Variants in CTNNA3 observed in about 807,000 individuals in gnomAD.
CTNNA3 encodes catenin alpha 3.
Under a neutral mutation model 95.7 loss-of-function variants are expected in CTNNA3, and 76 were observed. That is an observed-to-expected ratio of 0.79 (90% confidence interval 0.66 to 0.96). The LOEUF is 0.96. CTNNA3 is among the 40% of genes least tolerant of loss of function. The pLI is 0.00. For missense variants in CTNNA3, 1,191 were observed against 1,089.8 expected, an observed-to-expected ratio of 1.09 and a Z score of -1.31; for synonymous variants, 431 against 374.4, an observed-to-expected ratio of 1.15 and a Z score of -1.74.
intron 7 of CTNNA3, among the ~76,000 whole-genome samples, chr10:67,017,723 ATCTGTG>A (rs1164535123): frequency 7.9e-5 from 11 of 138,672 alleles, no homozygotes; most frequent in Admixed American, 7.0e-4. Flanking sequence ...CACAAAAATC[ATCTGTG>A]TGTGTGTGTG....
At chr10:66,287,162 G>A (rs1470258395) in intron 12 of CTNNA3, among the ~76,000 whole-genome samples, 3 of 152,012 alleles carry the variant, frequency 2.0e-5, no homozygotes, top group African/African-American at 4.8e-5. Context: ...AGGCATGGTG[G>A]CATGTGCCTG....
intron 12 of CTNNA3, among the ~76,000 whole-genome samples, chr10:66,281,558 C>G (rs1440823191): frequency 2.6e-5 from 4 of 151,858 alleles, no homozygotes; most frequent in Non-Finnish European, 5.9e-5. Context: ...ACACTTTACA[C>G]TCAAACTAAT....
intron 12 of CTNNA3, among the ~76,000 whole-genome samples, chr10:66,320,517 T>C (rs865975732): frequency 6.6e-6 from 1 of 152,128 alleles, no homozygotes; most frequent in African/African-American, 2.4e-5. Flanking sequence ...TCCTGGTCAC[T>C]TGAGTTATCT....
chr10:66,659,181 A>AACACACACACACAC (rs10565151), intron 9 of CTNNA3, among the ~76,000 whole-genome samples: 1 of 145,676 alleles, frequency 6.9e-6, no homozygotes, highest in East Asian at 2.0e-4. Context: ...TAATTAAGAA[A>AACACACACACACAC]ACACACACAC....
At chr10:66,576,703 G>C (rs888304771) in intron 10 of CTNNA3, among the ~76,000 whole-genome samples, 6 of 151,966 alleles carry the variant, frequency 3.9e-5, no homozygotes, top group African/African-American at 1.5e-4. Context: ...TGGTCTATAT[G>C]TACCACAATT....
chr10:66,281,099 C>A (rs942900139), intron 12 of CTNNA3, among the ~76,000 whole-genome samples: 2 of 151,568 alleles, frequency 1.3e-5, no homozygotes, highest in African/African-American at 4.8e-5. Flanking sequence ...AGTAATTCTG[C>A]CTTATAGAAA....
At chr10:66,630,842 T>A (rs1160429371) in intron 9 of CTNNA3, among the ~76,000 whole-genome samples, 3 of 152,158 alleles carry the variant, frequency 2.0e-5, no homozygotes, top group Non-Finnish European at 1.5e-5. Context: ...CATAGCAAAT[T>A]GCAGGGAAAC....
intron 9 of CTNNA3, among the ~76,000 whole-genome samples, chr10:66,691,276 G>A (rs1224920816): frequency 6.6e-6 from 1 of 152,140 alleles, no homozygotes. Context: ...CTTTTCTGAT[G>A]GGCTTAAAAA....
At chr10:67,008,730 T>TGAAAGCTC (rs1852155176) in intron 7 of CTNNA3, among the ~76,000 whole-genome samples, 1 of 152,162 alleles carries the variant, frequency 6.6e-6, no homozygotes, top group Non-Finnish European at 1.5e-5. Flanking sequence ...CATCCTCCAG[T>TGAAAGCTC]AGGCTAGCTC....
chr10:66,507,146 T>C (rs577480673), intron 11 of CTNNA3, among the ~76,000 whole-genome samples: 5 of 152,182 alleles, frequency 3.3e-5, no homozygotes, highest in East Asian at 1.9e-4. Context: ...CCAAAGGTCA[T>C]GCTCACTATG....
chr10:66,131,619 T>C (rs1453963497), intron 13 of CTNNA3, among the ~76,000 whole-genome samples: 2 of 152,118 alleles, frequency 1.3e-5, no homozygotes, highest in Non-Finnish European at 2.9e-5. Flanking sequence ...AGAACAAAGC[T>C]GGAGGCATCA....
intron 10 of CTNNA3, among the ~76,000 whole-genome samples, chr10:66,588,526 G>T (rs2132221630): frequency 6.6e-6 from 1 of 152,212 alleles, no homozygotes. Flanking sequence ...AACTTAGCAT[G>T]CTTCTATTTG....
intron 5 of CTNNA3, among the ~76,000 whole-genome samples, chr10:67,499,559 T>C (rs1564695185): frequency 6.6e-6 from 1 of 152,222 alleles, no homozygotes; most frequent in Non-Finnish European, 1.5e-5. Flanking sequence ...ATCCGTCTGG[T>C]CCTGGGCTTT....
In CTNNA3 at chr10:66,927,732, T is replaced by C. The variant is rs1403811008; in HGVS notation, c.1048-152208A>G. 3 of 1,614,062 alleles carry C rather than the reference T, an allele frequency of 1.9e-6. No homozygotes were observed. The highest frequency in any genetic ancestry group is 1.3e-5 in the African/African-American group (1 of 74,928). On this transcript the variant is annotated intron_variant, in intron 7 of 17. Transcript: ENST00000433211. The surrounding 1 kb of genome is among the most constrained non-coding windows in gnomAD (Gnocchi z 4.7). Reference sequence around the variant, plus strand: ...AGATCGAAGCTTTCAGTGGACCCAGTGTTTTCCAGTGTGTCCCGAATCTGC... The same window carrying C: ...AGATCGAAGCTTTCAGTGGACCCAGCGTTTTCCAGTGTGTCCCGAATCTGC...
In CTNNA3 at chr10:67,647,444, C is replaced by G. The variant is rs2133482109; in HGVS notation, c.70G>C (p.Glu24Gln). Residue 24 changes from glutamate (E) to glutamine (Q), a missense_variant, in exon 2 of 18, where the codon GAG (glutamate) becomes CAG (glutamine). Transcript: ENST00000433211. ...ATTATGAGAGGCTCCAGTAGCTTCT[C>G]CACGGTGAATGTTTGGACCTGCAGA... ...QDLQVQTFTV[E>Q]KLLEPLIIQV... The G allele has an allele frequency of 1.2e-6, 2 of 1,613,330 alleles. No individual in the cohort carries two copies. The highest frequency in any genetic ancestry group is 3.3e-5 in the Admixed American group (2 of 59,954).
chr10:67,006,538 T>C (rs1852001912), intron 7 of CTNNA3, among the ~76,000 whole-genome samples: 2 of 106,948 alleles, frequency 1.9e-5, no homozygotes, highest in African/African-American at 3.1e-5. Context: ...AGATGTTTTC[T>C]ATTCTCTTAT....
intron 7 of CTNNA3, among the ~76,000 whole-genome samples, chr10:66,981,591 T>C (rs1850446520): frequency 6.6e-6 from 1 of 152,262 alleles, no homozygotes; most frequent in Non-Finnish European, 1.5e-5. Flanking sequence ...AATCTAAATC[T>C]GCAGCTGTTT....
chr10:66,069,726 G>A (rs2080392265), intron 14 of CTNNA3, among the ~76,000 whole-genome samples: 1 of 151,976 alleles, frequency 6.6e-6, no homozygotes, highest in South Asian at 2.1e-4. Context: ...GTAGAACTTG[G>A]TGTCCAACAT....
Position 67,360,419 on chromosome 10 carries a change from A to G in CTNNA3, c.580-140549T>C, listed in dbSNP as rs74553239. Among the ~76,000 whole-genome samples the G allele has an allele frequency of 2.6e-5, 4 of 151,126 alleles. No individual in the cohort carries two copies. In the East Asian group the frequency reaches 7.7e-4, roughly 29 times the overall value. ...AAAAGGCATAGAGAGCAAGCAGGAA[A>G]AAAAAAAAAAAAAAACAAGAACCAA... On this transcript the variant is annotated intron_variant, in intron 5 of 17. Coordinates refer to ENST00000433211, the MANE Select transcript of CTNNA3 (RefSeq NM_013266.4).
Sources: allele counts gnomAD v4.1 joint callset (sites outside exome capture counted in the v4.1 genomes callset), GRCh38; gene constraint gnomAD v4.1.1; non-coding constraint Gnocchi (gnomAD v3.1); transcripts MANE v1.5; gene names NCBI Gene and HGNC (gene_info 2026-07-23, HGNC 2026-07-21).